The following CMPK1 variants were observed in gnomAD, a reference collection of about 807,000 sequenced individuals.
CMPK1 encodes the protein UMP-CMP kinase.
Under a neutral mutation model 25.7 loss-of-function variants are expected in CMPK1, and 10 were observed. That is an observed-to-expected ratio of 0.39 (90% CI 0.24 to 0.66). CMPK1 has a LOEUF of 0.66. Among genes scored for constraint, CMPK1 ranks in the 30% least tolerant of loss-of-function variants. CMPK1 has a pLI of 0.48. For missense variants in CMPK1, 199 were observed against 280.5 expected, an observed-to-expected ratio of 0.71 and a Z score of 2.08; for synonymous variants, 106 against 101.5, an observed-to-expected ratio of 1.04 and a Z score of -0.27.
chr1:47,376,677 AATT>A (rs1646710642), intron 5 of CMPK1, 24 bp from the exon 6 acceptor site: 2 of 1,498,352 alleles, frequency 1.3e-6, no homozygotes, highest in Non-Finnish European at 9.3e-7. Flanking sequence ...CTGCTTTTAA[AATT>A]ATTATCATCT....
rs1276959178 is a variant in CMPK1, at chr1:47,377,254, A to G, written c.*509A>G. 2.0e-5 allele frequency: 3 copies of G among 152,620 alleles called. No individual in the cohort carries two copies. The highest frequency in any genetic ancestry group is 4.4e-5 in the Non-Finnish European group (3 of 68,046). The allele number at this position is 152,620 out of a possible 1,614,324, so 9.5% of individuals were successfully genotyped here. Reference sequence around the variant, plus strand: ...GATTCTTAGGAGCATTTTAGTGTTTATTAAATAACTGACCATTTGCTGTAG... The same window carrying G: ...GATTCTTAGGAGCATTTTAGTGTTTGTTAAATAACTGACCATTTGCTGTAG... On this transcript the variant is annotated 3_prime_UTR_variant, in exon 6 of 6. Coordinates refer to ENST00000371873, the MANE Select transcript of CMPK1 (RefSeq NM_016308.3).
intron 5 of CMPK1, among the ~76,000 whole-genome samples, chr1:47,375,707 A>G (rs74453817): frequency 0.022 from 3,276 of 152,310 alleles, 117 homozygotes; most frequent in African/African-American, 0.074. Context: ...CTAGCTCAAG[A>G]GCTCCAGGCT....
chr1:47,348,584 T>C (rs1029816336), intron 1 of CMPK1, among the ~76,000 whole-genome samples: 2 of 152,194 alleles, frequency 1.3e-5, no homozygotes, highest in African/African-American at 4.8e-5. Flanking sequence ...CTGGGTCCTA[T>C]GAAACATGTT....
intron 1 of CMPK1, among the ~76,000 whole-genome samples, chr1:47,357,478 G>A (rs2245850): frequency 6.7e-6 from 1 of 149,354 alleles, no homozygotes. Flanking sequence ...GGCATTAATG[G>A]ATTCTTTTTT....
Position 47,333,930 on chromosome 1 carries a change from G to C in CMPK1, c.-16G>C. On this transcript the variant is annotated 5_prime_UTR_variant, in exon 1 of 6. Coordinates refer to ENST00000371873, the MANE Select transcript of CMPK1 (RefSeq NM_016308.3). The stretch of plus-strand genomic sequence containing the variant: ...GCCGCTGTCAGCTCCCTCAGCGTCC[G>C]GCCGAGGCGCGGTGTATGCTGAGCC... The C allele has an allele frequency of 7.5e-7, 1 of 1,335,530 alleles. No homozygotes were observed. The highest frequency in any genetic ancestry group is 9.7e-7 in the Non-Finnish European group (1 of 1,026,724). The allele number at this position is 1,335,530 out of a possible 1,614,324, so 82.7% of individuals were successfully genotyped here.
intron 1 of CMPK1, chr1:47,358,613 A>T (rs943179184): frequency 4.9e-5 from 49 of 992,536 alleles, no homozygotes; most frequent in Non-Finnish European, 5.9e-5. Context: ...TGACAGAGTT[A>T]TAAAACTTTA....
At position 47,368,666 on chromosome 1, in the gene CMPK1, T is replaced by A; in HGVS notation, c.318+51T>A. The A allele has an allele frequency of 3.5e-6, 5 of 1,426,710 alleles. No homozygotes were observed. In the South Asian group the frequency reaches 8.5e-5, roughly 24 times the overall value. 88.4% of individuals were successfully genotyped at this position (1,426,710 alleles called of 1,614,324 possible). Reference sequence around the variant, plus strand: ...TCAAACCAGCGAGGAAAGAAGAAATTAAATTCACCTTTTGGCCAGGCAGTT... The same window carrying A: ...TCAAACCAGCGAGGAAAGAAGAAATAAAATTCACCTTTTGGCCAGGCAGTT... On this transcript the variant is annotated intron_variant, in intron 2 of 5. Coordinates refer to ENST00000371873, the MANE Select transcript of CMPK1 (RefSeq NM_016308.3).
intron 1 of CMPK1, among the ~76,000 whole-genome samples, chr1:47,341,958 C>T (rs964182678): frequency 6.6e-6 from 1 of 152,062 alleles, no homozygotes; most frequent in African/African-American, 2.4e-5. Flanking sequence ...TGCTCAGTCC[C>T]CCAGGCTGGA....
rs1049617445 is a variant in CMPK1, at chr1:47,376,952, G to A, written c.*207G>A. On this transcript the variant is annotated 3_prime_UTR_variant, in exon 6 of 6. Transcript: ENST00000371873. ...TGAATTCAGGTTTAACTTCACCTTA[G>A]TTATGGTGCTCACCAAACGAAGGGT... 6 of 407,952 alleles carry A rather than the reference G, an allele frequency of 1.5e-5. No individual in the cohort carries two copies. The allele number at this position is 407,952 out of a possible 1,614,324, so 25.3% of individuals were successfully genotyped here.
rs147097672 is a variant in CMPK1 at position 47,360,374 on chromosome 1, A to G, written c.172-8095A>G. Among the ~76,000 whole-genome samples, 144 of 152,348 alleles carry G rather than the reference A, an allele frequency of 9.5e-4. 1 individual carries two copies. The highest frequency in any genetic ancestry group is 3.1e-3 in the African/African-American group (130 of 41,570). ...ACGTTTCCTATAGGGTCCATTTGGCATATAAATCAGATGCTATAATCCTCT... is the reference window on the plus strand; with the variant it reads ...ACGTTTCCTATAGGGTCCATTTGGCGTATAAATCAGATGCTATAATCCTCT... On this transcript the variant is annotated intron_variant, in intron 1 of 5. Coordinates refer to ENST00000371873, the MANE Select transcript of CMPK1 (RefSeq NM_016308.3).
chr1:47,335,923 T>G (rs1169916684), intron 1 of CMPK1, among the ~76,000 whole-genome samples: 1 of 152,060 alleles, frequency 6.6e-6, no homozygotes, highest in East Asian at 2.0e-4. Context: ...CCACCACGCC[T>G]GGCTAATTTT....
At chr1:47,367,383 A>G (rs924701378) in intron 1 of CMPK1, among the ~76,000 whole-genome samples, 1 of 152,262 alleles carries the variant, frequency 6.6e-6, no homozygotes, top group Non-Finnish European at 1.5e-5. Context: ...GAAAAGGAGT[A>G]AAGAATATAT....
chr1:47,336,813 G>A (rs554710376), intron 1 of CMPK1, among the ~76,000 whole-genome samples: 3 of 152,322 alleles, frequency 2.0e-5, no homozygotes, highest in East Asian at 1.9e-4. Flanking sequence ...GGCATGAGCC[G>A]CCATGCCTGG....
chr1:47,345,844 C>T (rs992500451), intron 1 of CMPK1, among the ~76,000 whole-genome samples: 6 of 151,780 alleles, frequency 4.0e-5, no homozygotes, highest in African/African-American at 1.2e-4. Flanking sequence ...CAACCTCCAC[C>T]TCCCAGGTTC....
chr1:47,337,074 G>A (rs1313927465), intron 1 of CMPK1, among the ~76,000 whole-genome samples: 1 of 152,164 alleles, frequency 6.6e-6, no homozygotes, highest in African/African-American at 2.4e-5. Context: ...CACGAGGTCA[G>A]GAGATTGAGA....
At position 47,374,918 on chromosome 1, in the gene CMPK1, G is replaced by T; in HGVS notation, c.481G>T (p.Glu161Ter). The T allele has an allele frequency of 6.2e-7, 1 of 1,609,766 alleles. No homozygotes were observed. The highest frequency in any genetic ancestry group is 1.1e-5 in the South Asian group (1 of 90,882). ...FFDCNNEICI[E>*]RCLERGKSSG... ...TTGTATCTCTTTTTAGATTTGTATT[G>T]AACGATGTCTTGAGAGGGGAAAGAG... The change falls in exon 4 of 6, where the codon GAA becomes TAA. Residue 161 changes from glutamate (E) to a stop codon, truncating the protein, a stop_gained. Coordinates refer to ENST00000371873, the MANE Select transcript of CMPK1 (RefSeq NM_016308.3). LOFTEE classifies it high-confidence loss of function.
At chr1:47,375,902 CATAAG>C (rs1297589735) in intron 5 of CMPK1, among the ~76,000 whole-genome samples, 5 of 152,130 alleles carry the variant, frequency 3.3e-5, no homozygotes, top group Non-Finnish European at 7.4e-5. Context: ...CTCTTATAGT[CATAAG>C]ATAAAAAAGA....
intron 1 of CMPK1, among the ~76,000 whole-genome samples, chr1:47,336,008 G>C (rs998798134): frequency 6.6e-6 from 1 of 151,998 alleles, no homozygotes; most frequent in Non-Finnish European, 1.5e-5. Flanking sequence ...TGATCTGCCC[G>C]CCTCAGCCTC....
intron 1 of CMPK1, among the ~76,000 whole-genome samples, 185 bp downstream of exon 1, chr1:47,334,301 C>CCGCG (rs1036931429): frequency 6.6e-6 from 1 of 151,886 alleles, no homozygotes; most frequent in African/African-American, 2.4e-5. Flanking sequence ...GACTTGTAGT[C>CCGCG]CGCGCCCGCC....
Sources: gnomAD v4.1 joint callset for allele counts (sites outside exome capture counted in the v4.1 genomes callset) on GRCh38, gnomAD v4.1.1 for gene constraint, MANE v1.5 for transcripts, NCBI Gene and HGNC (gene_info 2026-07-23, HGNC 2026-07-21) for gene names.